The following RASSF2 variants were observed in gnomAD, a reference collection of about 807,000 sequenced individuals.
RASSF2 encodes the protein Ras association domain family member 2, also known as ras association domain-containing protein 2.
RASSF2 carries 34 observed loss-of-function variants against 46.3 expected under a neutral mutation model. The observed-to-expected ratio is 0.73, with a 90% CI of 0.56 to 0.98. The LOEUF (loss-of-function observed/expected upper bound fraction) is 0.98. Among genes scored for constraint, RASSF2 ranks in the 50% least tolerant of loss-of-function variants. RASSF2 has a pLI of 0.00. For missense variants in RASSF2, 364 were observed against 431.2 expected, an observed-to-expected ratio of 0.84 and a Z score of 1.38; for synonymous variants, 158 against 162.5, an observed-to-expected ratio of 0.97 and a Z score of 0.21.
intron 2 of RASSF2, among the ~76,000 whole-genome samples, chr20:4,821,927 A>C (rs532674196): frequency 6.6e-6 from 1 of 152,322 alleles, no homozygotes; most frequent in African/African-American, 2.4e-5. Flanking sequence ...CTGATCCCAA[A>C]TGGCCACCAC....
intron 3 of RASSF2, among the ~76,000 whole-genome samples, chr20:4,799,670 C>T (rs376916768): frequency 3.9e-5 from 6 of 152,204 alleles, no homozygotes; most frequent in African/African-American, 7.2e-5. Context: ...GATCTGAAAC[C>T]GGGAGAGAAA....
chr20:4,808,876 A>G (rs1927554924), intron 2 of RASSF2, among the ~76,000 whole-genome samples: 2 of 152,222 alleles, frequency 1.3e-5, no homozygotes, highest in Admixed American at 1.3e-4. Context: ...CTCCCTCTAG[A>G]ATTCTAAATC....
chr20:4,797,673 T>A (rs1926462968), intron 4 of RASSF2, among the ~76,000 whole-genome samples: 1 of 152,144 alleles, frequency 6.6e-6, no homozygotes, highest in South Asian at 2.1e-4. Context: ...TGGGTGGGGT[T>A]CCCGAATTGC....
At position 4,790,129 on chromosome 20, in the gene RASSF2, A is replaced by G. The variant is rs566348632; in HGVS notation, c.537+322T>C. On this transcript the variant is annotated intron_variant, in intron 7 of 11. Coordinates refer to ENST00000379400, the MANE Select transcript of RASSF2 (RefSeq NM_014737.3). The surrounding 1 kb of genome is among the most constrained non-coding windows in gnomAD (Gnocchi z 4.3). ...GCACAGTGTGCAGGAAGAGGGTAACACGTGGATTTTCTTGGGAGAGACTGA... is the reference window on the plus strand; with the variant it reads ...GCACAGTGTGCAGGAAGAGGGTAACGCGTGGATTTTCTTGGGAGAGACTGA... Among the ~76,000 whole-genome samples the G allele has an allele frequency of 6.6e-6, 1 of 152,252 alleles. No homozygotes were observed. Among genetic ancestry groups the G allele is most frequent in the East Asian group, 1.9e-4 (1 of 5,158 alleles).
chr20:4,789,454 A>C, intron 8 of RASSF2, 142 bp downstream of exon 8: 1 of 649,952 alleles, frequency 1.5e-6, no homozygotes, highest in Non-Finnish European at 2.7e-6. Flanking sequence ...TTTGTCCTGG[A>C]TCGTGAGGAT....
In RASSF2 at chr20:4,790,056, C is replaced by T. The variant is rs1925738510; in HGVS notation, c.538-359G>A. Among the ~76,000 whole-genome samples the T allele has an allele frequency of 6.6e-6, 1 of 152,166 alleles. No homozygotes were observed. Among genetic ancestry groups the T allele is most frequent in the African/African-American group, 2.4e-5 (1 of 41,434 alleles). On this transcript the variant is annotated intron_variant, in intron 7 of 11. Transcript: ENST00000379400. This position sits in a 1 kb window ranked among gnomAD's most constrained non-coding sequence, Gnocchi z 4.3. Reference sequence around the variant, plus strand: ...ACTGACACCCCAGGTCTGAGACCTGCAGCTCTGCTTCAGCTCTGGGAAAAG... The same window carrying T: ...ACTGACACCCCAGGTCTGAGACCTGTAGCTCTGCTTCAGCTCTGGGAAAAG...
chr20:4,781,853 C>A lies in RASSF2; in HGVS notation c.*2420G>T. ...GGTCGAAGAGTTCAAAACTGCAAGA[C>A]CATGTGATACCAGTGAGAAAATCTG... On this transcript the variant is annotated 3_prime_UTR_variant, in exon 12 of 12. Transcript: ENST00000379400. The A allele has an allele frequency of 6.6e-6, 1 of 152,214 alleles. No homozygotes were observed. The highest frequency in any genetic ancestry group is 1.9e-4 in the East Asian group (1 of 5,200). The allele number at this position is 152,214 out of a possible 1,614,324, so 9.4% of individuals were successfully genotyped here. A position where few individuals can be genotyped will look rare whatever the true frequency, so the allele number is the denominator to read the frequency against.
At chr20:4,813,363 C>T (rs1928001129) in intron 2 of RASSF2, among the ~76,000 whole-genome samples, 1 of 152,242 alleles carries the variant, frequency 6.6e-6, no homozygotes, top group African/African-American at 2.4e-5. Flanking sequence ...CCGGCCCAGC[C>T]CTCCCTGCCC....
intron 10 of RASSF2, among the ~76,000 whole-genome samples, chr20:4,786,832 C>G (rs1254951722): frequency 1.3e-5 from 2 of 152,014 alleles, no homozygotes; most frequent in Admixed American, 6.6e-5. Context: ...GCCTGTAATC[C>G]CGGCACTTTG....
intron 2 of RASSF2, among the ~76,000 whole-genome samples, chr20:4,802,910 A>ATT (rs1282865897): frequency 3.4e-4 from 22 of 64,680 alleles, no homozygotes; most frequent in African/African-American, 9.9e-4. Context: ...ATATATATAT[A>ATT]TATATTTTTT....
Position 4,782,386 on chromosome 20 carries a change from C to T in RASSF2, c.*1887G>A, listed in dbSNP as rs1924914530. The T allele has an allele frequency of 6.6e-6, 1 of 152,668 alleles. No individual in the cohort carries two copies. The highest frequency in any genetic ancestry group is 1.5e-5 in the Non-Finnish European group (1 of 68,050). The allele number at this position is 152,668 out of a possible 1,614,324, so 9.5% of individuals were successfully genotyped here. ...AATTGCAAAACTCAGGAGGTGTTTG[C>T]ATTCACAGAACTGTTCTTTCCCAGC... On this transcript the variant is annotated 3_prime_UTR_variant, in exon 12 of 12. Transcript: ENST00000379400.
chr20:4,806,747 T>C (rs781662780), intron 2 of RASSF2, among the ~76,000 whole-genome samples: 2 of 152,160 alleles, frequency 1.3e-5, no homozygotes, highest in Non-Finnish European at 2.9e-5. Flanking sequence ...AGCCGGTCCA[T>C]TCTTGGTTCT....
At chr20:4,791,643 A>T (rs1396303355) in intron 6 of RASSF2, among the ~76,000 whole-genome samples, 1 of 152,224 alleles carries the variant, frequency 6.6e-6, no homozygotes, top group Non-Finnish European at 1.5e-5. Context: ...TGAAAATTAA[A>T]AATGCATATG....
At chr20:4,802,332 G>A (rs528167256) in intron 2 of RASSF2, among the ~76,000 whole-genome samples, 1 of 151,830 alleles carries the variant, frequency 6.6e-6, no homozygotes, top group Non-Finnish European at 1.5e-5. Flanking sequence ...CACTACCCCA[G>A]TGATGATGAC....
chr20:4,789,793 A>C (rs1568564829), intron 7 of RASSF2, 96 bp from the exon 8 acceptor site: 5 of 1,069,178 alleles, frequency 4.7e-6, no homozygotes, highest in Non-Finnish European at 5.6e-6. Flanking sequence ...AACGATACTC[A>C]GAATGTACTC....
intron 2 of RASSF2, among the ~76,000 whole-genome samples, chr20:4,805,171 A>T (rs1927244040): frequency 6.6e-6 from 1 of 152,018 alleles, no homozygotes; most frequent in Non-Finnish European, 1.5e-5. Context: ...AAATTACCTT[A>T]TATGGTAACA....
rs931030576 is a variant in RASSF2, at chr20:4,823,189, C to A, written c.-108+368G>T. Among the ~76,000 whole-genome samples, 7 of 152,118 alleles carry A rather than the reference C, an allele frequency of 4.6e-5. 1 individual carries two copies. The highest frequency in any genetic ancestry group is 1.7e-4 in the African/African-American group (7 of 41,444). On this transcript the variant is annotated intron_variant, in intron 1 of 11. Transcript: ENST00000379400. ...CTGACCCAGCCGGGGTAGGGACCAT[C>A]GTGGAAAAACTTTGGCGAGGTGGGG...
intron 2 of RASSF2, 70 bp from the exon 3 acceptor site, chr20:4,801,132 T>A: frequency 4.7e-6 from 6 of 1,286,944 alleles, no homozygotes; most frequent in Non-Finnish European, 6.7e-6. Context: ...GAACTTGGGG[T>A]GGGGAGGGGG....
intron 2 of RASSF2, among the ~76,000 whole-genome samples, chr20:4,810,036 G>A (rs777773255): frequency 3.9e-5 from 6 of 152,192 alleles, no homozygotes; most frequent in Non-Finnish European, 5.9e-5. Flanking sequence ...GACCTGGGTG[G>A]TACAGCAGCA....
Sources: allele counts gnomAD v4.1 joint callset (sites outside exome capture counted in the v4.1 genomes callset), GRCh38; gene constraint gnomAD v4.1.1; non-coding constraint Gnocchi (gnomAD v3.1); transcripts MANE v1.5; gene names NCBI Gene and HGNC (gene_info 2026-07-23, HGNC 2026-07-21).